NHS: variants seen among roughly 807,000 people sequenced by gnomAD.
The protein encoded by NHS is actin remodeling regulator NHS.
NHS carries 5 observed loss-of-function variants against 72.5 expected under a neutral mutation model. The ratio of observed to expected loss-of-function variants is 0.07; its 90% CI spans 0.04 to 0.14. The LOEUF (loss-of-function observed/expected upper bound fraction) is 0.14, where lower values mean the gene tolerates loss of function less well. Ranked by LOEUF, NHS falls within the 10% of genes least tolerant of loss-of-function variation. The probability of loss-of-function intolerance (pLI) is 1.00; values close to 1 mark genes in which losing one functional copy is unlikely to be tolerated. For synonymous variants in NHS, 464 were observed against 547.7 expected (o/e 0.85, Z 2.13); for missense variants, 1,072 against 1,355.7 (o/e 0.79, Z 3.29).
chrX:17,699,265 A>G lies in NHS; in HGVS notation c.852+6797A>G, dbSNP rs761410030. On this transcript the variant is annotated intron_variant, in intron 3 of 8. Coordinates refer to ENST00000676302, the MANE Select transcript of NHS (RefSeq NM_001291867.2). ...AACATATAAGACTAGCCAGGAAAAC[A>G]CTGAAAAAGGAAACCTAGCCCTACC... 5.7e-3 allele frequency among the ~76,000 whole-genome samples: 637 copies of G among 111,932 alleles called. 5 individuals carry two copies. The highest frequency in any genetic ancestry group is 0.02 in the African/African-American group (602 of 30,827).
intron 1 of NHS, among the ~76,000 whole-genome samples, chrX:17,443,546 G>A (rs770936801): frequency 9.0e-6 from 1 of 111,549 alleles, no homozygotes; most frequent in East Asian, 2.8e-4. Flanking sequence ...TTGATTAGTG[G>A]CCCACCACTG....
chrX:17,433,612 T>C (rs1953539899), intron 1 of NHS, among the ~76,000 whole-genome samples: 1 of 111,301 alleles, frequency 9.0e-6, no homozygotes, highest in African/African-American at 3.3e-5. Context: ...CAAAGGGAGA[T>C]GGATGCCAAC....
At chrX:17,642,239 C>T (rs1388872151) in intron 1 of NHS, among the ~76,000 whole-genome samples, 1 of 112,393 alleles carries the variant, frequency 8.9e-6, no homozygotes, top group Non-Finnish European at 1.9e-5. Context: ...AGCCGCCACG[C>T]TCGACCTAGG....
intron 1 of NHS, among the ~76,000 whole-genome samples, chrX:17,661,430 C>T (rs1316110516): frequency 9.1e-6 from 1 of 109,834 alleles, no homozygotes; most frequent in Non-Finnish European, 1.9e-5. Flanking sequence ...CCCTTGCCCC[C>T]CACCCCCTGA....
chrX:17,703,039 C>T (rs931853010), intron 3 of NHS, among the ~76,000 whole-genome samples: 2 of 110,658 alleles, frequency 1.8e-5, no homozygotes, highest in Non-Finnish European at 3.8e-5. Context: ...GAGGCTGAGG[C>T]TGGTGGATCA....
At position 17,376,067 on chromosome X, in the gene NHS, C is replaced by T. The variant is rs749215649; in HGVS notation, c.310C>T (p.Pro104Ser). Residue 104 changes from proline to serine, a missense_variant, in exon 1 of 9, where the codon CCC (proline) becomes TCC (serine). By Grantham distance (74) the Pro-to-Ser change is moderately conservative (BLOSUM62 -1). Transcript: ENST00000676302. ...ESTAGIPEAA[P>S]AAGEASSAAA... ...CACGGCGGGGATCCCGGAGGCGGCG[C>T]CCGCAGCCGGCGAGGCGTCCTCGGC... is the stretch of plus-strand genomic sequence containing the variant. 9.5e-7 allele frequency: 1 copy of T among 1,055,253 alleles called. No homozygotes were observed. Among genetic ancestry groups the T allele is most frequent in the South Asian group, 2.6e-5 (1 of 38,540 alleles). 87.0% of individuals were successfully genotyped at this position (1,055,253 alleles called of 1,213,427 possible). A position where few individuals can be genotyped will look rare whatever the true frequency, so the allele number is the denominator to read the frequency against.
At chrX:17,574,830 G>C (rs760846883) in intron 1 of NHS, among the ~76,000 whole-genome samples, 1 of 111,433 alleles carries the variant, frequency 9.0e-6, no homozygotes, top group East Asian at 2.8e-4. Context: ...TGGCCATCTT[G>C]GAACCAACCT....
chrX:17,650,096 A>C lies in NHS; in HGVS notation c.566-37646A>C, dbSNP rs2065923870. The stretch of plus-strand genomic sequence containing the variant: ...AGCAGGAAACTCGCCCTAGGTAAAC[A>C]TAAGGAGAGAATGGGTATGGTATAA... On this transcript the variant is annotated intron_variant, in intron 1 of 8. Coordinates refer to ENST00000676302, the MANE Select transcript of NHS (RefSeq NM_001291867.2). 1.8e-5 allele frequency among the ~76,000 whole-genome samples: 2 copies of C among 112,516 alleles called. 1 individual carries two copies. The highest frequency in any genetic ancestry group is 7.4e-4 in the South Asian group (2 of 2,707).
chrX:17,489,742 C>T (rs1488793179), intron 1 of NHS, among the ~76,000 whole-genome samples: 1 of 112,183 alleles, frequency 8.9e-6, no homozygotes, highest in African/African-American at 3.2e-5. Flanking sequence ...CCACCTCGGC[C>T]TCCCAAAGTG....
At chrX:17,709,003 T>C (rs1281280912) in intron 3 of NHS, among the ~76,000 whole-genome samples, 2 of 111,284 alleles carry the variant, frequency 1.8e-5, no homozygotes, top group Non-Finnish European at 3.8e-5. Flanking sequence ...ATTTCCTCAA[T>C]CTCTAGAGAT....
chrX:17,712,361 T>TACAC (rs745619023), intron 3 of NHS, among the ~76,000 whole-genome samples: 1,236 of 77,051 alleles, frequency 0.016, 42 homozygotes, highest in African/African-American at 0.058. Context: ...CACATTTGTA[T>TACAC]ACACACACAC....
At chrX:17,532,045 C>G (rs1215389918) in intron 1 of NHS, among the ~76,000 whole-genome samples, 1 of 111,329 alleles carries the variant, frequency 9.0e-6, no homozygotes, top group African/African-American at 3.3e-5. Context: ...GAGCTGGTAT[C>G]TAGAATGCAC....
At position 17,457,865 on chromosome X, in the gene NHS, GCT is replaced by G. The variant is rs368733767; in HGVS notation, c.565+81546_565+81547del. On this transcript the variant is annotated intron_variant, in intron 1 of 8. Transcript: ENST00000676302. ...ATTCCAGGCCTGACACAGTCCTTGT[GCT>G]CTTTCAGTGCTTGTTGACTCATTGA... is the stretch of plus-strand genomic sequence containing the variant. Among the ~76,000 whole-genome samples, 200 of 111,946 alleles carry G rather than the reference GCT, an allele frequency of 1.8e-3. 3 individuals carry two copies. Among genetic ancestry groups the G allele is most frequent in the African/African-American group, 6.1e-3 (188 of 30,839 alleles).
chrX:17,633,115 A>G (rs1368866208), intron 1 of NHS, among the ~76,000 whole-genome samples: 1 of 111,629 alleles, frequency 9.0e-6, no homozygotes, highest in Non-Finnish European at 1.9e-5. Context: ...CCCAATTTAA[A>G]CTGTGAGTGT....
chrX:17,697,477 T>C (rs2066238110), intron 3 of NHS, among the ~76,000 whole-genome samples: 1 of 111,770 alleles, frequency 8.9e-6, no homozygotes, highest in South Asian at 3.7e-4. Context: ...AAGGGTTTTA[T>C]GTCCAACCAT....
chrX:17,507,616 C>T (rs1221505985), intron 1 of NHS, among the ~76,000 whole-genome samples: 1 of 111,989 alleles, frequency 8.9e-6, no homozygotes, highest in African/African-American at 3.2e-5. Context: ...TTTTCAGTTA[C>T]AGATGGGGAT....
intron 1 of NHS, among the ~76,000 whole-genome samples, chrX:17,673,673 G>A (rs917898784): frequency 4.5e-5 from 5 of 111,458 alleles, no homozygotes; most frequent in African/African-American, 1.6e-4. Flanking sequence ...TGATTCACAT[G>A]ACTCCTGGCC....
intron 1 of NHS, among the ~76,000 whole-genome samples, chrX:17,583,352 A>C (rs2065554385): frequency 9.0e-6 from 1 of 111,560 alleles, no homozygotes; most frequent in Non-Finnish European, 1.9e-5. Flanking sequence ...CTCCAACTCC[A>C]TTCATTCATT....
At position 17,534,434 on chromosome X, in the gene NHS, T is replaced by A. The variant is rs753021857; in HGVS notation, c.566-153308T>A. Among the ~76,000 whole-genome samples, 5 of 111,127 alleles carry A rather than the reference T, an allele frequency of 4.5e-5. No individual in the cohort carries two copies. The South Asian group carries it at 2.0e-3, about 44-fold the overall frequency. On this transcript the variant is annotated intron_variant, in intron 1 of 8. Transcript: ENST00000676302. Reference sequence around the variant, plus strand: ...CACGCCCTCATGTTGGAGACCTAGGTGGCTCTTGGTGGATTTTTGTGTTGC... The same window carrying A: ...CACGCCCTCATGTTGGAGACCTAGGAGGCTCTTGGTGGATTTTTGTGTTGC...
Sources: gnomAD v4.1 joint callset for allele counts (sites outside exome capture counted in the v4.1 genomes callset) on GRCh38, gnomAD v4.1.1 for gene constraint, MANE v1.5 for transcripts, NCBI Gene and HGNC (gene_info 2026-07-23, HGNC 2026-07-21) for gene names.